ITPR2: variants seen among roughly 807,000 people sequenced by gnomAD.
ITPR2 encodes inositol 1,4,5-trisphosphate receptor type 2.
In ITPR2, 207 loss-of-function variants were observed where a neutral mutation model predicts 317.1. The ratio of observed to expected loss-of-function variants is 0.65; its 90% CI spans 0.58 to 0.73. The LOEUF (loss-of-function observed/expected upper bound fraction) is 0.73. ITPR2 is among the 30% of genes least tolerant of loss of function. The pLI is 0.00. For missense variants in ITPR2, 2,613 were observed against 3,284.0 expected, an observed-to-expected ratio of 0.80 and a Z score of 4.99; for synonymous variants, 1,156 against 1,149.1, an observed-to-expected ratio of 1.01 and a Z score of -0.12.
chr12:26,359,835 G>A (rs1408704924), intron 55 of ITPR2, among the ~76,000 whole-genome samples: 3 of 152,108 alleles, frequency 2.0e-5, no homozygotes, highest in Non-Finnish European at 4.4e-5. Flanking sequence ...ACCTTCCCAT[G>A]TCAATTGCAA....
intron 1 of ITPR2, among the ~76,000 whole-genome samples, chr12:26,826,597 A>G (rs1951012398): frequency 6.6e-6 from 1 of 152,186 alleles, no homozygotes; most frequent in African/African-American, 2.4e-5. Flanking sequence ...AGAGACTATG[A>G]TGATGATGCT....
chr12:26,820,047 G>A (rs889289732), intron 1 of ITPR2, among the ~76,000 whole-genome samples: 2 of 152,048 alleles, frequency 1.3e-5, no homozygotes, highest in African/African-American at 4.8e-5. Flanking sequence ...CTCCAGCCTG[G>A]GTGACAGCAG....
intron 1 of ITPR2, among the ~76,000 whole-genome samples, chr12:26,814,358 A>C (rs1233453292): frequency 6.6e-6 from 1 of 152,198 alleles, no homozygotes; most frequent in African/African-American, 2.4e-5. Flanking sequence ...CTAACTAATA[A>C]AACTAAGTGT....
intron 32 of ITPR2, among the ~76,000 whole-genome samples, chr12:26,583,707 C>T (rs1945455956): frequency 1.3e-5 from 2 of 152,030 alleles, no homozygotes; most frequent in Admixed American, 6.6e-5. Flanking sequence ...CCTAGGTTAC[C>T]TGAGGTTTGT....
chr12:26,676,408 C>G (rs1339980750), intron 13 of ITPR2, among the ~76,000 whole-genome samples: 1 of 141,860 alleles, frequency 7.0e-6, no homozygotes, highest in East Asian at 2.1e-4. Context: ...GCCTGCGAGG[C>G]GGAGGTTGCA....
At chr12:26,441,732 A>G (rs562255131) in intron 46 of ITPR2, among the ~76,000 whole-genome samples, 16 of 152,170 alleles carry the variant, frequency 1.1e-4, no homozygotes, top group African/African-American at 3.9e-4. Context: ...ATGAACAAAT[A>G]ATCTTCTTCT....
At chr12:26,401,709 T>G (rs1940182259) in intron 52 of ITPR2, among the ~76,000 whole-genome samples, 1 of 152,208 alleles carries the variant, frequency 6.6e-6, no homozygotes, top group Non-Finnish European at 1.5e-5. Flanking sequence ...GAAGAACAAT[T>G]CAGTCCAACT....
At chr12:26,685,456 G>C (rs1948107892) in intron 11 of ITPR2, among the ~76,000 whole-genome samples, 1 of 152,084 alleles carries the variant, frequency 6.6e-6, no homozygotes. Flanking sequence ...AATTAGCAGA[G>C]CATGGTGGTG....
chr12:26,669,844 C>G (rs949834999), intron 13 of ITPR2, among the ~76,000 whole-genome samples: 1 of 152,228 alleles, frequency 6.6e-6, no homozygotes, highest in African/African-American at 2.4e-5. Context: ...CACTCCCACC[C>G]GAGTACTGCG....
At chr12:26,567,983 TATATA>T (rs1945036285) in intron 34 of ITPR2, among the ~76,000 whole-genome samples, 3 of 9,078 alleles carry the variant, frequency 3.3e-4, no homozygotes, top group Non-Finnish European at 1.0e-3. Context: ...ATATATTATA[TATATA>T]TATATATATT....
intron 52 of ITPR2, among the ~76,000 whole-genome samples, chr12:26,403,634 AAAC>A (rs1940250629): frequency 6.6e-6 from 1 of 152,182 alleles, no homozygotes; most frequent in Non-Finnish European, 1.5e-5. Context: ...ACAAGCAAAC[AAAC>A]AACAATGCAG....
At chr12:26,455,424 A>C (rs1165785850) in intron 45 of ITPR2, among the ~76,000 whole-genome samples, 1 of 151,648 alleles carries the variant, frequency 6.6e-6, no homozygotes, top group African/African-American at 2.4e-5. Flanking sequence ...TTACTGCTCA[A>C]ATGAACTGTG....
At chr12:26,674,922 T>A (rs1947873636) in intron 13 of ITPR2, among the ~76,000 whole-genome samples, 1 of 151,768 alleles carries the variant, frequency 6.6e-6, no homozygotes, top group African/African-American at 2.4e-5. Flanking sequence ...AAGACATTTA[T>A]GCAGCCAAAA....
intron 37 of ITPR2, among the ~76,000 whole-genome samples, chr12:26,497,432 G>A (rs540805824): frequency 5.1e-5 from 2 of 39,584 alleles, no homozygotes; most frequent in Admixed American, 3.5e-4. Flanking sequence ...GGGATTACAG[G>A]CATGAGCCAC....
At chr12:26,755,485 G>A (rs532850309) in intron 2 of ITPR2, among the ~76,000 whole-genome samples, 1 of 152,250 alleles carries the variant, frequency 6.6e-6, no homozygotes, top group South Asian at 2.1e-4. Flanking sequence ...AAATGTTGCT[G>A]ATCCTTTGTT....
intron 1 of ITPR2, among the ~76,000 whole-genome samples, chr12:26,821,615 T>C (rs1419954406): frequency 6.6e-6 from 1 of 152,190 alleles, no homozygotes; most frequent in Non-Finnish European, 1.5e-5. Flanking sequence ...TCAGAGATGG[T>C]TTCTGTTCCT....
chr12:26,707,598 C>T (rs942728085), intron 9 of ITPR2, among the ~76,000 whole-genome samples: 3 of 152,194 alleles, frequency 2.0e-5, no homozygotes, highest in Non-Finnish European at 4.4e-5. Context: ...ATGGCACGAT[C>T]TTGGCTCACT....
chr12:26,453,097 C>G (rs998093270), intron 45 of ITPR2, among the ~76,000 whole-genome samples: 1 of 152,044 alleles, frequency 6.6e-6, no homozygotes, highest in African/African-American at 2.4e-5. Context: ...TTCTTTAGTT[C>G]CATTTTCAAC....
chr12:26,585,576 T>C lies in ITPR2; in HGVS notation c.4381-5421A>G, dbSNP rs7295728. On this transcript the variant is annotated intron_variant, in intron 32 of 56. Transcript: ENST00000381340. ...CATGCCACAACACCCGACTAATTTT[T>C]GTATTTTTTGTAGAGACAGGGTTTC... is the stretch of plus-strand genomic sequence containing the variant. Among the ~76,000 whole-genome samples, 997 of 152,220 alleles carry C rather than the reference T, an allele frequency of 6.5e-3. 20 individuals are homozygous for C. The highest frequency in any genetic ancestry group is 0.023 in the African/African-American group (949 of 41,542).
Sources: allele counts gnomAD v4.1 joint callset (sites outside exome capture counted in the v4.1 genomes callset), GRCh38; gene constraint gnomAD v4.1.1; transcripts MANE v1.5; gene names NCBI Gene and HGNC (gene_info 2026-07-23, HGNC 2026-07-21).